The following WFDC1 variants were observed in gnomAD, a reference collection of about 807,000 sequenced individuals.
WFDC1 encodes the protein WAP four-disulfide core domain protein 1.
In WFDC1, 39 loss-of-function variants were observed where a neutral mutation model predicts 32.9. That is an observed-to-expected ratio of 1.19 (90% CI 0.92 to 1.55). The LOEUF is 1.55. WFDC1 is among the 40% of genes most tolerant of loss of function. The pLI is 0.00. For synonymous variants in WFDC1, 184 were observed against 137.4 expected, an observed-to-expected ratio of 1.34 and a Z score of -2.37; for missense variants, 386 against 309.5, an observed-to-expected ratio of 1.25 and a Z score of -1.85.
At chr16:84,304,215 A>C (rs550085187) in intron 1 of WFDC1, among the ~76,000 whole-genome samples, 6 of 152,232 alleles carry the variant, frequency 3.9e-5, no homozygotes, top group African/African-American at 1.4e-4. Flanking sequence ...TGGCTTTGCA[A>C]ATCTATTTTT....
At position 84,313,017 on chromosome 16, in the gene WFDC1, GCCGCCTCCGCGGACGCTGCCCC is replaced by G; in HGVS notation, c.205_226del (p.Pro69AlafsTer30). 1.5e-6 allele frequency: 2 copies of G among 1,297,530 alleles called. No homozygotes were observed. Among genetic ancestry groups the G allele is most frequent in the South Asian group, 2.2e-5 (1 of 45,696 alleles). 80.4% of individuals were successfully genotyped at this position (1,297,530 alleles called of 1,614,324 possible). ...GGCAGCCCCGAGCAGACCGCTGCCC[GCCGCCTCCGCGGACGCTGCCCC>G]CCGGCGCCTGCCAGGCCGCGCGCTG... On this transcript the variant is annotated frameshift_variant, in exon 2 of 7. Transcript: ENST00000219454. LOFTEE classifies it high-confidence loss of function.
chr16:84,315,558 A>G (rs1393255627), intron 2 of WFDC1, among the ~76,000 whole-genome samples: 1 of 152,216 alleles, frequency 6.6e-6, no homozygotes, highest in Non-Finnish European at 1.5e-5. Context: ...GTCTAACACC[A>G]GATTTCACAA....
chr16:84,300,006 C>A (rs533575406), intron 1 of WFDC1, among the ~76,000 whole-genome samples: 13 of 152,348 alleles, frequency 8.5e-5, no homozygotes, highest in African/African-American at 2.9e-4. Flanking sequence ...TTCCCCATCT[C>A]CTTTCCCCCA....
At chr16:84,302,006 C>T (rs559432272) in intron 1 of WFDC1, among the ~76,000 whole-genome samples, 73 of 152,308 alleles carry the variant, frequency 4.8e-4, no homozygotes, top group African/African-American at 1.5e-3. Flanking sequence ...GTGAGCACAT[C>T]GCACCTGTCC....
At chr16:84,309,907 C>T (rs1354919547) in intron 1 of WFDC1, among the ~76,000 whole-genome samples, 1 of 151,782 alleles carries the variant, frequency 6.6e-6, no homozygotes, top group Non-Finnish European at 1.5e-5. Flanking sequence ...CTGCTCCCCT[C>T]TTCTCAGACA....
chr16:84,296,897 C>G (rs1340156242), intron 1 of WFDC1: 3 of 152,146 alleles, frequency 2.0e-5, no homozygotes, highest in Non-Finnish European at 4.4e-5. Context: ...GAGACCAGAC[C>G]TGGCCAGAGG....
chr16:84,317,247 C>G (rs542741515), intron 2 of WFDC1: 7 of 151,602 alleles, frequency 4.6e-5, no homozygotes, highest in Non-Finnish European at 1.0e-4. Flanking sequence ...GAGCTGAGAT[C>G]GTGCCACTAC....
At chr16:84,313,211 C>G in intron 2 of WFDC1, 58 bp downstream of exon 2, 2 of 1,334,138 alleles carry the variant, frequency 1.5e-6, no homozygotes, top group East Asian at 3.2e-5. Context: ...ACAGAGCTGT[C>G]CCGGGGGAGG....
At chr16:84,324,590 A>G (rs764735628) in intron 5 of WFDC1, 130 bp downstream of exon 5, 22 of 1,025,412 alleles carry the variant, frequency 2.1e-5, no homozygotes, top group Middle Eastern at 3.1e-4. Context: ...GGATTAAGAA[A>G]CAAAATAGAA....
chr16:84,312,882 C>A (rs1343173793), intron 1 of WFDC1, 79 bp from the exon 2 acceptor site: 41 of 925,090 alleles, frequency 4.4e-5, no homozygotes, highest in Non-Finnish European at 5.4e-5. Flanking sequence ...GGCGCACTGC[C>A]CACCCCCTTG....
intron 5 of WFDC1, 151 bp downstream of exon 5, chr16:84,324,611 C>G: frequency 1.2e-6 from 1 of 838,854 alleles, no homozygotes; most frequent in Non-Finnish European, 1.8e-6. Context: ...GACCTGTGGT[C>G]TGATGGTGGG....
chr16:84,312,411 GTGT>G (rs899057304), intron 1 of WFDC1, among the ~76,000 whole-genome samples: 1 of 152,224 alleles, frequency 6.6e-6, no homozygotes, highest in African/African-American at 2.4e-5. Context: ...TCCCACTGTG[GTGT>G]TCTCTTTTGA....
chr16:84,295,038 C>G lies in WFDC1; in HGVS notation c.67C>G (p.Leu23Val), dbSNP rs750143557. 3 of 1,614,128 alleles carry G rather than the reference C, an allele frequency of 1.9e-6. No individual in the cohort carries two copies. In the African/African-American group the frequency reaches 4.0e-5, roughly 22 times the overall value. Residue 23 changes from leucine (L) to valine (V), a missense_variant, in exon 1 of 7, where the codon CTA becomes GTA. Transcript: ENST00000219454. ...GATCATCCGGGCTCTGTGCCTCTTGCTACTTCTCCTCCACGCCGGCTCTGC... is the reference window on the plus strand; with the variant it reads ...GATCATCCGGGCTCTGTGCCTCTTGGTACTTCTCCTCCACGCCGGCTCTGC... Reference protein sequence around the residue: ...RQIIRALCLLLLLLHAGSAKN... With the variant: ...RQIIRALCLLVLLLHAGSAKN...
rs917484137 is a variant in WFDC1 at position 84,295,501 on chromosome 16, G to T, written c.144+386G>T. 1.8e-5 allele frequency: 6 copies of T among 342,488 alleles called. No individual in the cohort carries two copies. In the Admixed American group the frequency reaches 2.2e-4, roughly 13 times the overall value. The allele number at this position is 342,488 out of a possible 1,614,324, so 21.2% of individuals were successfully genotyped here. On this transcript the variant is annotated intron_variant, in intron 1 of 6. Coordinates refer to ENST00000219454, the MANE Select transcript of WFDC1 (RefSeq NM_021197.4). ...AATACACTTATGCATTCATGTGGTT[G>T]TTTATTCATTCAGCAAACAGAATGA...
intron 1 of WFDC1, among the ~76,000 whole-genome samples, chr16:84,305,464 C>A (rs979273187): frequency 3.9e-5 from 6 of 152,212 alleles, no homozygotes. Context: ...GAGGTTATAT[C>A]CAATCCCACT....
In WFDC1 at chr16:84,318,304, T is replaced by C. The variant is rs758603617; in HGVS notation, c.370T>C (p.Trp124Arg). 4 of 1,614,152 alleles carry C rather than the reference T, an allele frequency of 2.5e-6. No individual in the cohort carries two copies. Among genetic ancestry groups the C allele is most frequent in the Non-Finnish European group, 3.4e-6 (4 of 1,180,000 alleles). The change falls in exon 3 of 7, where the codon TGG (tryptophan) becomes CGG (arginine). Residue 124 changes from tryptophan to arginine, a missense_variant. By Grantham distance (101) the Trp-to-Arg change is moderately radical (BLOSUM62 -3). Transcript: ENST00000219454. The stretch of plus-strand genomic sequence containing the variant: ...CTGGCTGGTGCAGCCGAAACCTCGA[T>C]GGCTTGGTGGCAATGGCTGGCTCCT... ...LDWLVQPKPR[W>R]LGGNGWLLDG...
chr16:84,306,714 C>T (rs72802664), intron 1 of WFDC1, among the ~76,000 whole-genome samples: 1 of 152,008 alleles, frequency 6.6e-6, no homozygotes, highest in Non-Finnish European at 1.5e-5. Context: ...ATGTTAAGCA[C>T]TTAGAAGGGT....
chr16:84,309,941 C>T (rs553397960), intron 1 of WFDC1, among the ~76,000 whole-genome samples: 5 of 152,098 alleles, frequency 3.3e-5, no homozygotes, highest in African/African-American at 4.8e-5. Flanking sequence ...TTAGGGCCCA[C>T]TGGAAAATGC....
At chr16:84,319,228 G>A (rs556876731) in intron 3 of WFDC1, 228 of 600,254 alleles carry the variant, frequency 3.8e-4, no homozygotes, top group Non-Finnish European at 5.6e-4. Flanking sequence ...GTTTGTGTGC[G>A]TGTTTGTGGG....
Sources: gnomAD v4.1 joint callset for allele counts (sites outside exome capture counted in the v4.1 genomes callset) on GRCh38, gnomAD v4.1.1 for gene constraint, MANE v1.5 for transcripts, NCBI Gene and HGNC (gene_info 2026-07-23, HGNC 2026-07-21) for gene names.